Variants in CPEB1 observed in about 807,000 individuals in gnomAD.
The protein encoded by CPEB1 is cytoplasmic polyadenylation element binding protein 1, also known as cytoplasmic polyadenylation element-binding protein 1.
CPEB1 carries 7 observed loss-of-function variants against 65.8 expected under a neutral mutation model. The observed-to-expected ratio is 0.11, with a 90% CI of 0.06 to 0.20. The LOEUF (loss-of-function observed/expected upper bound fraction) is 0.20. CPEB1 is among the 10% of genes least tolerant of loss of function. The pLI, the probability that CPEB1 is intolerant of heterozygous loss-of-function variation, is 1.00. For missense variants in CPEB1, 551 were observed against 712.2 expected (o/e 0.77, Z 2.58); for synonymous variants, 262 against 260.0 (o/e 1.01, Z -0.08).
At chr15:82,582,835 G>A (rs553393943) in intron 3 of CPEB1, among the ~76,000 whole-genome samples, 8 of 149,214 alleles carry the variant, frequency 5.4e-5, no homozygotes, top group South Asian at 4.3e-4. Context: ...TCCGCCTCCC[G>A]GGTTCACGCC....
At chr15:82,616,326 A>G (rs946950485) in intron 3 of CPEB1, among the ~76,000 whole-genome samples, 1 of 152,172 alleles carries the variant, frequency 6.6e-6, no homozygotes, top group South Asian at 2.1e-4. Context: ...TTATGGACAT[A>G]CACAGAGAAG....
chr15:82,598,091 C>T (rs2151178854), intron 3 of CPEB1, among the ~76,000 whole-genome samples: 1 of 152,348 alleles, frequency 6.6e-6, no homozygotes. Context: ...GCTACTATTA[C>T]ATCTCTCCCT....
At position 82,628,106 on chromosome 15, in the gene CPEB1, G is replaced by C. The variant is rs1336667189; in HGVS notation, c.96+258C>G. ...TGCTGTGGAAGAGAACCCCAATAGA[G>C]AGAAGGTCATGAAAGTCTAGAAGAA... On this transcript the variant is annotated intron_variant, in intron 2 of 12. Coordinates refer to ENST00000684509, the MANE Select transcript of CPEB1 (RefSeq NM_001365242.1). The C allele has an allele frequency of 6.0e-6, 4 of 669,970 alleles. No homozygotes were observed. In the East Asian group the frequency reaches 1.1e-4, roughly 18 times the overall value. 41.5% of individuals were successfully genotyped at this position (669,970 alleles called of 1,614,324 possible).
intron 3 of CPEB1, among the ~76,000 whole-genome samples, chr15:82,626,756 A>C (rs1349166443): frequency 6.6e-6 from 1 of 152,158 alleles, no homozygotes; most frequent in Non-Finnish European, 1.5e-5. Flanking sequence ...TAAAATCCAC[A>C]CTGGATTTTG....
intron 1 of CPEB1, among the ~76,000 whole-genome samples, chr15:82,635,598 A>G (rs752944228): frequency 1.3e-5 from 2 of 152,206 alleles, no homozygotes; most frequent in Admixed American, 6.5e-5. Flanking sequence ...GTTCAACCTA[A>G]TATTATTTCG....
chr15:82,592,839 AC>A (rs2151156287), intron 3 of CPEB1, among the ~76,000 whole-genome samples: 2 of 152,130 alleles, frequency 1.3e-5, no homozygotes, highest in African/African-American at 4.8e-5. Context: ...TACTAAAAAT[AC>A]AAAAAAATTA....
intron 3 of CPEB1, among the ~76,000 whole-genome samples, chr15:82,579,756 C>CA (rs1364536519): frequency 6.7e-6 from 1 of 149,480 alleles, no homozygotes; most frequent in Non-Finnish European, 1.5e-5. Flanking sequence ...ACTAAAAATA[C>CA]AAAAAATTAG....
chr15:82,564,877 A>G (rs189091258), intron 4 of CPEB1, among the ~76,000 whole-genome samples: 24 of 152,248 alleles, frequency 1.6e-4, no homozygotes, highest in Non-Finnish European at 1.3e-4. Flanking sequence ...CCTACATTCA[A>G]GTACAGGAGC....
rs115613057 is a variant in CPEB1 at position 82,639,214 on chromosome 15, C to G, written c.-98+7923G>C. Among the ~76,000 whole-genome samples, 1,160 of 152,272 alleles carry G rather than the reference C, an allele frequency of 7.6e-3. 17 individuals are homozygous for G. The highest frequency in any genetic ancestry group is 0.026 in the African/African-American group (1,061 of 41,542). ...CAAGTTAAGTCCCTCCTGGTCTATT[C>G]CTACTTTATTCTGTTGTGTGTTCCC... is the stretch of plus-strand genomic sequence containing the variant. On this transcript the variant is annotated intron_variant, in intron 1 of 12. Coordinates refer to ENST00000684509, the MANE Select transcript of CPEB1 (RefSeq NM_001365242.1).
chr15:82,573,041 G>T (rs1233503006), intron 3 of CPEB1: 3 of 1,534,770 alleles, frequency 2.0e-6, no homozygotes, highest in Non-Finnish European at 2.6e-6. Flanking sequence ...CACTCCACCT[G>T]CTTGTTCTCC....
chr15:82,585,908 C>T (rs1255083561), intron 3 of CPEB1, among the ~76,000 whole-genome samples: 1 of 151,704 alleles, frequency 6.6e-6, no homozygotes, highest in Non-Finnish European at 1.5e-5. Flanking sequence ...AAATACACTA[C>T]TTAATAAATG....
At chr15:82,570,725 G>GA (rs968701071) in intron 4 of CPEB1, among the ~76,000 whole-genome samples, 71 of 146,946 alleles carry the variant, frequency 4.8e-4, no homozygotes, top group Admixed American at 2.3e-3. Context: ...AACACAAAGG[G>GA]AAAAAAAAAA....
At chr15:82,578,273 T>C (rs1442352114) in intron 3 of CPEB1, among the ~76,000 whole-genome samples, 1 of 152,278 alleles carries the variant, frequency 6.6e-6, no homozygotes, top group African/African-American at 2.4e-5. Flanking sequence ...GTTCTTTCTT[T>C]TCAACCAATA....
chr15:82,584,903 C>CTTTTT (rs3080692), intron 3 of CPEB1, among the ~76,000 whole-genome samples: 8 of 81,732 alleles, frequency 9.8e-5, no homozygotes, highest in East Asian at 3.7e-4. Context: ...TCCTAATTTG[C>CTTTTT]TTTTTTTTTT....
intron 3 of CPEB1, among the ~76,000 whole-genome samples, chr15:82,603,613 CAAG>C (rs1297490113): frequency 1.3e-5 from 2 of 152,082 alleles, no homozygotes; most frequent in Admixed American, 6.5e-5. Flanking sequence ...GTGAAGAATA[CAAG>C]AATACTGCAG....
chr15:82,637,866 T>A (rs1331226028), intron 1 of CPEB1: 1 of 359,024 alleles, frequency 2.8e-6, no homozygotes, highest in Non-Finnish European at 5.6e-6. Flanking sequence ...GCTTTTTGTG[T>A]AAGTAGGTCA....
chr15:82,590,389 G>T (rs2042150949), intron 3 of CPEB1, among the ~76,000 whole-genome samples: 1 of 151,944 alleles, frequency 6.6e-6, no homozygotes, highest in South Asian at 2.1e-4. Flanking sequence ...TTCTGCAATT[G>T]TTACAATTTT....
chr15:82,625,934 C>A (rs762160244), intron 3 of CPEB1, among the ~76,000 whole-genome samples: 1 of 151,588 alleles, frequency 6.6e-6, no homozygotes, highest in Non-Finnish European at 1.5e-5. Context: ...GCCTGGCCAA[C>A]ATGGCGAAAC....
At chr15:82,617,724 G>GGTT (rs2044862559) in intron 3 of CPEB1, among the ~76,000 whole-genome samples, 1 of 83,818 alleles carries the variant, frequency 1.2e-5, no homozygotes, top group Non-Finnish European at 2.3e-5. Context: ...TTCTATTAAA[G>GGTT]TTTTTTTTTT....
Sources: allele counts gnomAD v4.1 joint callset (sites outside exome capture counted in the v4.1 genomes callset), GRCh38; gene constraint gnomAD v4.1.1; transcripts MANE v1.5; gene names NCBI Gene and HGNC (gene_info 2026-07-23, HGNC 2026-07-21).